SCFD2: variants seen among roughly 807,000 people sequenced by gnomAD.
SCFD2 encodes the protein sec1 family domain containing 2, also known as sec1 family domain-containing protein 2.
A neutral mutation model predicts 58.9 loss-of-function variants in SCFD2; 54 were observed. The observed-to-expected ratio is 0.92, with a 90% CI of 0.74 to 1.15. The LOEUF (loss-of-function observed/expected upper bound fraction) is 1.15, where lower values mean the gene tolerates loss of function less well. Among genes scored for constraint, SCFD2 ranks in the 50% most tolerant of loss-of-function variants. The pLI is 0.00. For missense variants in SCFD2, 805 were observed against 836.6 expected (o/e 0.96, Z 0.47); for synonymous variants, 321 against 335.9 (o/e 0.96, Z 0.49).
chr4:53,067,749 T>C (rs1723704569), intron 5 of SCFD2, among the ~76,000 whole-genome samples: 1 of 152,184 alleles, frequency 6.6e-6, no homozygotes. Flanking sequence ...TAAACCTCTT[T>C]TGTTTCTTGG....
chr4:53,156,565 G>T (rs1372868073), intron 4 of SCFD2, among the ~76,000 whole-genome samples: 3 of 152,138 alleles, frequency 2.0e-5, no homozygotes, highest in Non-Finnish European at 4.4e-5. Context: ...GGGTGTGGTG[G>T]CAGGCACCTG....
chr4:53,086,380 T>C (rs770031453), intron 5 of SCFD2, among the ~76,000 whole-genome samples: 1 of 151,960 alleles, frequency 6.6e-6, no homozygotes, highest in Non-Finnish European at 1.5e-5. Flanking sequence ...AGACAGGCAA[T>C]AACAAATGCT....
chr4:52,979,626 A>G (rs1159946712), intron 5 of SCFD2, among the ~76,000 whole-genome samples: 1 of 152,156 alleles, frequency 6.6e-6, no homozygotes, highest in African/African-American at 2.4e-5. Context: ...GTTATTAGGA[A>G]CACAGTTTGA....
chr4:53,200,848 G>A (rs1472018388), intron 4 of SCFD2, among the ~76,000 whole-genome samples: 1 of 151,296 alleles, frequency 6.6e-6, no homozygotes, highest in African/African-American at 2.4e-5. Flanking sequence ...ATTCAGTTCA[G>A]TCATTCATCT....
At chr4:52,956,305 A>G (rs964180580) in intron 5 of SCFD2, 6 of 454,996 alleles carry the variant, frequency 1.3e-5, no homozygotes, top group Middle Eastern at 3.3e-4. Flanking sequence ...ACCAGAGGAA[A>G]GCAAGGTGGC....
At position 53,202,994 on chromosome 4, in the gene SCFD2, T is replaced by C. The variant is rs1025516409; in HGVS notation, c.1312-57412A>G. 1.1e-4 allele frequency among the ~76,000 whole-genome samples: 16 copies of C among 152,212 alleles called. 1 individual carries two copies. The South Asian group carries it at 1.2e-3, about 12-fold the overall frequency. ...CAAACAGGGGCAATTTGACTTCCTC[T>C]TTTCCTAATTGAATGCCCTTTATTT... is the stretch of plus-strand genomic sequence containing the variant. On this transcript the variant is annotated intron_variant, in intron 4 of 8. Coordinates refer to ENST00000401642, the MANE Select transcript of SCFD2 (RefSeq NM_152540.4).
chr4:53,009,492 CT>C (rs766825539), intron 5 of SCFD2, among the ~76,000 whole-genome samples: 2 of 152,126 alleles, frequency 1.3e-5, no homozygotes, highest in Non-Finnish European at 2.9e-5. Flanking sequence ...TAAAGAATAC[CT>C]TTTTTTAGCA....
At position 52,906,238 on chromosome 4, in the gene SCFD2, T is replaced by C. The variant is rs564368328; in HGVS notation, c.1842+1219A>G. ...AGCAGCCTGTCTGGGAGAGGGCATA[T>C]TGGCATTTGGGCCATCCTCAGACCT... On this transcript the variant is annotated intron_variant, in intron 7 of 8. Transcript: ENST00000401642. 3.9e-5 allele frequency among the ~76,000 whole-genome samples: 6 copies of C among 152,306 alleles called. No homozygotes were observed. In the East Asian group the frequency reaches 1.2e-3, roughly 29 times the overall value.
At chr4:52,965,095 T>C (rs1285196724) in intron 5 of SCFD2, among the ~76,000 whole-genome samples, 1 of 152,138 alleles carries the variant, frequency 6.6e-6, no homozygotes, top group Non-Finnish European at 1.5e-5. Context: ...TTGAACACCG[T>C]CTACATGCCG....
At chr4:53,206,037 C>A (rs1387752096) in intron 4 of SCFD2, among the ~76,000 whole-genome samples, 1 of 152,080 alleles carries the variant, frequency 6.6e-6, no homozygotes, top group Non-Finnish European at 1.5e-5. Context: ...TTACACTAGT[C>A]CCCCAAAGTG....
At chr4:52,977,452 G>GACA (rs1721280781) in intron 5 of SCFD2, among the ~76,000 whole-genome samples, 1 of 152,096 alleles carries the variant, frequency 6.6e-6, no homozygotes, top group Non-Finnish European at 1.5e-5. Context: ...AACTTCATGG[G>GACA]AAGAGGGACA....
rs572515709 is a variant in SCFD2 at position 53,236,260 on chromosome 4, G to A, written c.1311+37566C>T. 4.6e-5 allele frequency among the ~76,000 whole-genome samples: 7 copies of A among 152,058 alleles called. No homozygotes were observed. In the South Asian group the frequency reaches 1.3e-3, roughly 27 times the overall value. ...TGGAAGCTTCTTGCCCTCGAACATC[G>A]AACTCTCAAGTTCTTCAGTTTTGGG... On this transcript the variant is annotated intron_variant, in intron 4 of 8. Transcript: ENST00000401642.
At chr4:53,031,095 T>C (rs1722605150) in intron 5 of SCFD2, among the ~76,000 whole-genome samples, 1 of 152,136 alleles carries the variant, frequency 6.6e-6, no homozygotes, top group South Asian at 2.1e-4. Context: ...AAGTCAGCAA[T>C]CTTTGCTGTT....
At chr4:53,038,025 T>C (rs1284813976) in intron 5 of SCFD2, among the ~76,000 whole-genome samples, 1 of 152,072 alleles carries the variant, frequency 6.6e-6, no homozygotes, top group East Asian at 1.9e-4. Flanking sequence ...CTGCATTCAG[T>C]GAAAAGAAAA....
chr4:53,358,013 T>A (rs539174328), intron 1 of SCFD2, among the ~76,000 whole-genome samples: 2 of 152,234 alleles, frequency 1.3e-5, no homozygotes, highest in Non-Finnish European at 1.5e-5. Context: ...ATAATTATAA[T>A]ACTTATCTCA....
chr4:53,250,349 A>G (rs1400489617), intron 4 of SCFD2, among the ~76,000 whole-genome samples: 1 of 152,158 alleles, frequency 6.6e-6, no homozygotes, highest in Non-Finnish European at 1.5e-5. Context: ...CACAATAATA[A>G]TGGGAGACTT....
chr4:53,218,267 C>G (rs1321871567), intron 4 of SCFD2, among the ~76,000 whole-genome samples: 1 of 152,202 alleles, frequency 6.6e-6, no homozygotes, highest in East Asian at 1.9e-4. Flanking sequence ...CTCCTCGTCA[C>G]TTTCAGGTAC....
intron 4 of SCFD2, among the ~76,000 whole-genome samples, chr4:53,272,875 A>T (rs550994958): frequency 6.6e-6 from 1 of 152,326 alleles, no homozygotes; most frequent in East Asian, 1.9e-4. Context: ...TAGAACCTTG[A>T]GAGAAAAAAG....
chr4:53,103,215 G>GC (rs1409718347), intron 5 of SCFD2, among the ~76,000 whole-genome samples: 26 of 152,108 alleles, frequency 1.7e-4, no homozygotes, highest in Non-Finnish European at 3.5e-4. Context: ...TAACATAACT[G>GC]AAGGGAGATG....
Sources: allele counts gnomAD v4.1 joint callset (sites outside exome capture counted in the v4.1 genomes callset), GRCh38; gene constraint gnomAD v4.1.1; transcripts MANE v1.5; gene names NCBI Gene and HGNC (gene_info 2026-07-23, HGNC 2026-07-21).